Variants in FHAD1 observed in about 807,000 individuals in gnomAD.
The protein encoded by FHAD1 is forkhead associated phosphopeptide binding domain 1, also known as forkhead-associated domain-containing protein 1.
A neutral mutation model predicts 191.3 loss-of-function variants in FHAD1; 146 were observed. The observed-to-expected ratio is 0.76, with a 90% CI of 0.67 to 0.88. The LOEUF is 0.88. Ranked by LOEUF, FHAD1 falls within the 40% of genes least tolerant of loss-of-function variation. The pLI is 0.00. For synonymous variants in FHAD1, 616 were observed against 672.3 expected (o/e 0.92, Z 1.29); for missense variants, 1,635 against 1,785.8 (o/e 0.92, Z 1.52).
chr1:15,380,773 G>T lies in FHAD1; in HGVS notation c.3778G>T (p.Ala1260Ser), dbSNP rs1700716393. ...EKSGKMDVAEALELSEKLYLD... is the reference protein window; with the variant it reads ...EKSGKMDVAESLELSEKLYLD... ...GTCAGGGAAGATGGATGTGGCTGAG[G>T]CTTTAGAGCTCAGTGAAAAGCTGGT... The change falls in exon 29 of 34, where the codon GCT (alanine) becomes TCT (serine). Residue 1260 changes from alanine to serine, a missense_variant. Coordinates refer to ENST00000688493, the MANE Select transcript of FHAD1 (RefSeq NM_001391957.1). The T allele has an allele frequency of 4.5e-6, 7 of 1,551,526 alleles. No individual in the cohort carries two copies. Among genetic ancestry groups the T allele is most frequent in the Non-Finnish European group, 6.1e-6 (7 of 1,146,984 alleles).
At chr1:15,383,066 A>C in intron 31 of FHAD1, 1 of 471,574 alleles carries the variant, frequency 2.1e-6, no homozygotes, top group African/African-American at 2.0e-5. Flanking sequence ...TACAGGAGTC[A>C]GCCGGTCCTG....
chr1:15,365,481 A>ATTGTTTTTTTTTT (rs1696111770), intron 23 of FHAD1, among the ~76,000 whole-genome samples: 1 of 112,784 alleles, frequency 8.9e-6, no homozygotes, highest in Non-Finnish European at 1.7e-5. Flanking sequence ...TGCCTGGCTA[A>ATTGTTTTTTTTTT]TTTTTTTTTT....
chr1:15,398,942 T>C (rs190815312), downstream of FHAD1, among the ~76,000 whole-genome samples: 15 of 152,066 alleles, frequency 9.9e-5, no homozygotes, highest in African/African-American at 3.4e-4. Flanking sequence ...AGCCTCAGCC[T>C]CCTAAGTAGC....
chr1:15,382,976 C>T (rs1701244327), intron 31 of FHAD1, among the ~76,000 whole-genome samples: 1 of 152,178 alleles, frequency 6.6e-6, no homozygotes, highest in African/African-American at 2.4e-5. Context: ...AGGCTGGTGA[C>T]CCAGCGAAAA....
intron 3 of FHAD1, among the ~76,000 whole-genome samples, chr1:15,284,008 G>A (rs1661480957): frequency 6.6e-6 from 1 of 152,290 alleles, no homozygotes; most frequent in Middle Eastern, 3.4e-3. Flanking sequence ...CAGGCTTCAG[G>A]ACCTGGGGCA....
At chr1:15,308,298 T>C (rs1324264325) in intron 6 of FHAD1, among the ~76,000 whole-genome samples, 1 of 152,204 alleles carries the variant, frequency 6.6e-6, no homozygotes. Context: ...AACCAACAGG[T>C]GATCTGTTTA....
intron 33 of FHAD1, among the ~76,000 whole-genome samples, chr1:15,392,109 G>A (rs1420642735): frequency 6.6e-6 from 1 of 152,202 alleles, no homozygotes; most frequent in African/African-American, 2.4e-5. Flanking sequence ...GGGGCAGATG[G>A]TGCTTCGCCT....
intron 4 of FHAD1, among the ~76,000 whole-genome samples, chr1:15,295,797 A>G (rs1396987806): frequency 6.6e-6 from 1 of 152,240 alleles, no homozygotes; most frequent in Non-Finnish European, 1.5e-5. Flanking sequence ...TTCGAGGGCC[A>G]TACAGTCTGT....
intron 20 of FHAD1, among the ~76,000 whole-genome samples, 158 bp downstream of exon 20, chr1:15,353,142 A>T (rs1255667987): frequency 6.6e-6 from 1 of 152,108 alleles, no homozygotes; most frequent in Non-Finnish European, 1.5e-5. Flanking sequence ...TTCCCCACTT[A>T]TGAAATACAC....
intron 26 of FHAD1, among the ~76,000 whole-genome samples, chr1:15,371,449 A>G (rs535420708): frequency 1.3e-4 from 20 of 152,304 alleles, no homozygotes; most frequent in Non-Finnish European, 2.6e-4. Context: ...CCTGCTTTCT[A>G]AGCCAGAGTG....
intron 28 of FHAD1, among the ~76,000 whole-genome samples, chr1:15,376,359 G>A (rs1340979297): frequency 6.6e-6 from 1 of 152,198 alleles, no homozygotes; most frequent in Non-Finnish European, 1.5e-5. Context: ...CAAAGTGCTG[G>A]GATGACAGGC....
rs754839187 is a variant in FHAD1 at position 15,367,455 on chromosome 1, A to G, written c.3155-8A>G. ...AGACCCCCTTACCGGCCCTCCTGTC[A>G]CTCGCAGGGGAGCTAAACGAGAAGC... On this transcript the variant is annotated splice_region_variant and splice_polypyrimidine_tract_variant and intron_variant, in intron 24 of 33. Transcript: ENST00000688493. 1.5e-5 allele frequency: 24 copies of G among 1,550,006 alleles called. No homozygotes were observed. The African/African-American group carries it at 3.2e-4, about 20-fold the overall frequency.
intron 4 of FHAD1, among the ~76,000 whole-genome samples, chr1:15,296,251 ATTTTTTTTTT>A (rs779409884): frequency 7.4e-6 from 1 of 134,598 alleles, no homozygotes; most frequent in African/African-American, 2.8e-5. Flanking sequence ...CCACTTTGTA[ATTTTTTTTTT>A]TTTTTTTTTT....
intron 19 of FHAD1, among the ~76,000 whole-genome samples, chr1:15,349,963 CA>C (rs1421164854): frequency 1.3e-5 from 2 of 152,158 alleles, no homozygotes; most frequent in Non-Finnish European, 2.9e-5. Flanking sequence ...GCTGGGGGGC[CA>C]GGAGGAGGTC....
At chr1:15,352,795 C>A in intron 19 of FHAD1, 82 bp from the exon 20 acceptor site, 1 of 1,033,380 alleles carries the variant, frequency 9.7e-7, no homozygotes, top group Non-Finnish European at 1.5e-6. Context: ...GTGGCTTCCA[C>A]GGTGACTCGT....
intron 18 of FHAD1, among the ~76,000 whole-genome samples, chr1:15,348,120 T>C (rs1200069545): frequency 1.3e-5 from 2 of 152,240 alleles, no homozygotes; most frequent in Non-Finnish European, 2.9e-5. Context: ...GTGAAATTCT[T>C]ATGATGTCAC....
At chr1:15,244,988 G>C (rs1222823564), upstream of FHAD1, among the ~76,000 whole-genome samples, 1 of 152,236 alleles carries the variant, frequency 6.6e-6, no homozygotes, top group East Asian at 1.9e-4. This position sits in a 1 kb window ranked among gnomAD's most constrained non-coding sequence, Gnocchi z 5.1. Flanking sequence ...CTGGCAGAAA[G>C]TAGCGCCTGC....
intron 22 of FHAD1, among the ~76,000 whole-genome samples, chr1:15,360,961 G>A (rs914411783): frequency 6.6e-6 from 1 of 152,116 alleles, no homozygotes; most frequent in African/African-American, 2.4e-5. Flanking sequence ...CAGGCTACCG[G>A]GGCTGTCAGG....
At chr1:15,357,440 T>C (rs1165486042) in intron 20 of FHAD1, among the ~76,000 whole-genome samples, 4 of 151,982 alleles carry the variant, frequency 2.6e-5, no homozygotes, top group African/African-American at 9.7e-5. Flanking sequence ...CTGGCCAACA[T>C]GGTGAAACTC....
Sources: gnomAD v4.1 joint callset for allele counts (sites outside exome capture counted in the v4.1 genomes callset) on GRCh38, gnomAD v4.1.1 for gene constraint, Gnocchi (gnomAD v3.1) non-coding constraint, MANE v1.5 for transcripts, NCBI Gene and HGNC (gene_info 2026-07-23, HGNC 2026-07-21) for gene names.